TBC1D14: variants seen among roughly 807,000 people sequenced by gnomAD.
TBC1D14 encodes the protein TBC1 domain family, member 14.
TBC1D14 carries 26 observed loss-of-function variants against 79.0 expected under a neutral mutation model. The observed-to-expected ratio is 0.33, with a 90% confidence interval of 0.24 to 0.46. The LOEUF is 0.46. Ranked by LOEUF, TBC1D14 falls within the 20% of genes least tolerant of loss-of-function variation. TBC1D14 has a pLI of 1.00. For synonymous variants in TBC1D14, 394 were observed against 349.9 expected, an observed-to-expected ratio of 1.13 and a Z score of -1.40; for missense variants, 769 against 887.6, an observed-to-expected ratio of 0.87 and a Z score of 1.70.
intron 2 of TBC1D14, among the ~76,000 whole-genome samples, chr4:6,938,096 G>A (rs973747168): frequency 3.9e-5 from 6 of 152,184 alleles, no homozygotes; most frequent in Non-Finnish European, 2.9e-5. Context: ...GGTGGTGGGC[G>A]CTACTTTGCT....
chr4:7,017,696 T>C (rs921800345), intron 12 of TBC1D14, among the ~76,000 whole-genome samples: 5 of 152,220 alleles, frequency 3.3e-5, no homozygotes, highest in Non-Finnish European at 7.3e-5. Flanking sequence ...GGCCTTATTC[T>C]TGAAGTGCTG....
At chr4:6,994,127 G>C in intron 3 of TBC1D14, 57 bp from the exon 4 acceptor site, 1 of 1,423,128 alleles carries the variant, frequency 7.0e-7, no homozygotes, top group South Asian at 1.2e-5. Context: ...CTTACTTTCC[G>C]AAGGACTTCA....
At chr4:6,979,630 A>G (rs573439128) in intron 3 of TBC1D14, among the ~76,000 whole-genome samples, 11 of 152,180 alleles carry the variant, frequency 7.2e-5, no homozygotes, top group Non-Finnish European at 1.3e-4. Flanking sequence ...AAAAAAACAC[A>G]AAACCATAGA....
rs116488503 is a variant in TBC1D14, at chr4:6,964,654, C to T, written c.723-2650C>T. On this transcript the variant is annotated intron_variant, in intron 2 of 13. Transcript: ENST00000409757. ...TTTTTGAAACAAGGTCTTGCTCTGTCGCCCAGGCTGGAGTGCAGTGGCACG... is the reference window on the plus strand; with the variant it reads ...TTTTTGAAACAAGGTCTTGCTCTGTTGCCCAGGCTGGAGTGCAGTGGCACG... Among the ~76,000 whole-genome samples, 216 of 152,216 alleles carry T rather than the reference C, an allele frequency of 1.4e-3. 2 individuals carry two copies. Among genetic ancestry groups the T allele is most frequent in the African/African-American group, 4.9e-3 (204 of 41,536 alleles).
At chr4:6,994,125 C>A in intron 3 of TBC1D14, 59 bp from the exon 4 acceptor site, 1 of 1,405,780 alleles carries the variant, frequency 7.1e-7, no homozygotes, top group Admixed American at 1.7e-5. Context: ...TTCTTACTTT[C>A]CGAAGGACTT....
chr4:6,935,718 A>C (rs1236525630), intron 2 of TBC1D14, among the ~76,000 whole-genome samples: 2 of 150,362 alleles, frequency 1.3e-5, no homozygotes, highest in African/African-American at 4.9e-5. Context: ...ATCTCGGCTC[A>C]ATGCAGTCTC....
At chr4:6,941,887 C>T (rs527927281) in intron 2 of TBC1D14, among the ~76,000 whole-genome samples, 1 of 152,284 alleles carries the variant, frequency 6.6e-6, no homozygotes, top group South Asian at 2.1e-4. Context: ...CTTTGCCAGC[C>T]CACCTTCCTT....
At chr4:7,013,667 C>T (rs1720995788) in intron 11 of TBC1D14, among the ~76,000 whole-genome samples, 3 of 152,226 alleles carry the variant, frequency 2.0e-5, no homozygotes, top group South Asian at 2.1e-4. Flanking sequence ...GGGGTGCTGC[C>T]GTTGACTCAG....
chr4:6,913,625 G>A (rs1039007543), intron 1 of TBC1D14, among the ~76,000 whole-genome samples: 1 of 152,136 alleles, frequency 6.6e-6, no homozygotes, highest in African/African-American at 2.4e-5. Context: ...ATGGCATCCC[G>A]CATGCTTGGT....
intron 6 of TBC1D14, among the ~76,000 whole-genome samples, chr4:7,000,720 T>C (rs1178362768): frequency 6.6e-6 from 1 of 152,212 alleles, no homozygotes; most frequent in Non-Finnish European, 1.5e-5. Context: ...GACTCTCTGC[T>C]GGGGTCTGCT....
At chr4:6,978,382 T>A (rs1327208041) in intron 3 of TBC1D14, among the ~76,000 whole-genome samples, 3 of 149,690 alleles carry the variant, frequency 2.0e-5, no homozygotes, top group Admixed American at 2.0e-4. Context: ...GACTTCTCAT[T>A]TTGTTCTGTA....
chr4:6,960,274 T>G (rs1186242230), intron 2 of TBC1D14, among the ~76,000 whole-genome samples: 2 of 150,620 alleles, frequency 1.3e-5, no homozygotes, highest in African/African-American at 4.9e-5. Flanking sequence ...GTATTTTTTG[T>G]AGAGACAAGG....
intron 2 of TBC1D14, among the ~76,000 whole-genome samples, chr4:6,934,566 G>T (rs1442912575): frequency 2.0e-5 from 3 of 151,960 alleles, no homozygotes; most frequent in Non-Finnish European, 4.4e-5. Flanking sequence ...GCTTAGGCAT[G>T]AGAATCTCTT....
At chr4:6,923,188 C>G (rs1476098375) in intron 1 of TBC1D14, among the ~76,000 whole-genome samples, 185 bp from the exon 2 acceptor site, 1 of 152,126 alleles carries the variant, frequency 6.6e-6, no homozygotes, top group African/African-American at 2.4e-5. Context: ...GGCGACAGAG[C>G]GAGAGTCTGT....
intron 3 of TBC1D14, among the ~76,000 whole-genome samples, chr4:6,974,958 C>T (rs1022238704): frequency 1.3e-5 from 2 of 149,222 alleles, no homozygotes; most frequent in African/African-American, 4.8e-5. Context: ...GTTGCCCAGG[C>T]TGGAGTGCAG....
At chr4:6,971,395 T>C (rs1413456223) in intron 3 of TBC1D14, among the ~76,000 whole-genome samples, 1 of 152,246 alleles carries the variant, frequency 6.6e-6, no homozygotes, top group African/African-American at 2.4e-5. Flanking sequence ...ATCCCATATG[T>C]GGTTTGCCCA....
intron 3 of TBC1D14, among the ~76,000 whole-genome samples, chr4:6,988,734 G>C (rs775345261): frequency 4.6e-5 from 7 of 152,198 alleles, no homozygotes; most frequent in Non-Finnish European, 7.3e-5. Flanking sequence ...CAGGGAGCCA[G>C]AGGCTCCTTC....
At chr4:6,927,775 A>G (rs1210429100) in intron 2 of TBC1D14, among the ~76,000 whole-genome samples, 1 of 152,196 alleles carries the variant, frequency 6.6e-6, no homozygotes, top group Non-Finnish European at 1.5e-5. Flanking sequence ...ACATTGCCAG[A>G]TACCCCAGGG....
chr4:7,020,393 C>T (rs1273657188), intron 12 of TBC1D14, among the ~76,000 whole-genome samples: 3 of 152,220 alleles, frequency 2.0e-5, no homozygotes, highest in Non-Finnish European at 4.4e-5. Context: ...TCAGTAGTAA[C>T]CCTGTTCTTA....
Sources: gnomAD v4.1 joint callset for allele counts (sites outside exome capture counted in the v4.1 genomes callset) on GRCh38, gnomAD v4.1.1 for gene constraint, MANE v1.5 for transcripts, NCBI Gene and HGNC (gene_info 2026-07-23, HGNC 2026-07-21) for gene names.